The following RAI2 variants were observed in gnomAD, a reference collection of about 807,000 sequenced individuals.
RAI2 encodes the protein retinoic acid induced 2.
Under a neutral mutation model 15.3 loss-of-function variants are expected in RAI2, and 5 were observed. The observed-to-expected ratio is 0.33, with a 90% CI of 0.17 to 0.69. The LOEUF (loss-of-function observed/expected upper bound fraction) is 0.69, where lower values mean the gene tolerates loss of function less well. RAI2 is among the 30% of genes least tolerant of loss of function. The pLI is 0.69. For synonymous variants in RAI2, 191 were observed against 184.0 expected (o/e 1.04, Z -0.31); for missense variants, 424 against 424.7 (o/e 1.00, Z 0.01).
chrX:17,820,311 G>A (rs1051493731), intron 1 of RAI2, among the ~76,000 whole-genome samples: 2 of 112,371 alleles, frequency 1.8e-5, no homozygotes, highest in Non-Finnish European at 3.8e-5. Context: ...TGGGAACGGA[G>A]AGGGAGTATT....
chrX:17,823,227 T>A (rs747767150), intron 1 of RAI2, among the ~76,000 whole-genome samples: 12 of 112,133 alleles, frequency 1.1e-4, no homozygotes, highest in South Asian at 7.5e-4. Flanking sequence ...TGAGTTCACA[T>A]GTGCAAGATG....
In RAI2 at chrX:17,800,810, G is replaced by A. The variant is rs933405681; in HGVS notation, c.1201C>T (p.His401Tyr). ...SHEAPAMMDS[H>Y]ISSSDAATEM... The stretch of plus-strand genomic sequence containing the variant: ...GTAGCAGCATCACTGCTGCTGATGT[G>A]ACTATCCATCATGGCTGGGGCCTCA... The change falls in exon 2 of 2, where the codon CAC becomes TAC. Residue 401 changes from histidine (H) to tyrosine (Y), a missense_variant. Physicochemically the swap from His to Tyr is moderately conservative, Grantham distance 83. Coordinates refer to ENST00000451717, the MANE Select transcript of RAI2 (RefSeq NM_021785.6). 8.3e-7 allele frequency: 1 copy of A among 1,211,872 alleles called. No homozygotes were observed. Among genetic ancestry groups the A allele is most frequent in the Non-Finnish European group, 1.1e-6 (1 of 895,470 alleles).
chrX:17,853,381 T>C (rs1352862321), intron 1 of RAI2, among the ~76,000 whole-genome samples: 1 of 112,224 alleles, frequency 8.9e-6, no homozygotes, highest in Non-Finnish European at 1.9e-5. Context: ...TTATGTCAAA[T>C]GGAATTTTCC....
chrX:17,844,768 A>G (rs2067437778), intron 1 of RAI2, among the ~76,000 whole-genome samples: 1 of 112,543 alleles, frequency 8.9e-6, no homozygotes, highest in Admixed American at 9.4e-5. Flanking sequence ...GATAATGAAG[A>G]GGGCATGAAG....
intron 1 of RAI2, among the ~76,000 whole-genome samples, chrX:17,853,676 TA>T (rs35206820): frequency 4.0e-4 from 44 of 110,781 alleles, no homozygotes; most frequent in African/African-American, 1.4e-3. Context: ...ATTTTTTTTT[TA>T]AAAAAAGGGA....
chrX:17,844,985 A>G (rs938975613), intron 1 of RAI2, among the ~76,000 whole-genome samples: 1 of 112,634 alleles, frequency 8.9e-6, no homozygotes, highest in African/African-American at 3.2e-5. Flanking sequence ...GGCTTTAAAA[A>G]CCAAACATTA....
At position 17,800,865 on chromosome X, in the gene RAI2, C is replaced by T. The variant is rs1342278247; in HGVS notation, c.1146G>A (p.Met382Ile). 1 of 1,211,556 alleles carries T rather than the reference C, an allele frequency of 8.3e-7. No individual in the cohort carries two copies. The highest frequency in any genetic ancestry group is 3.0e-5 in the East Asian group (1 of 33,823). Residue 382 changes from methionine to isoleucine, a missense_variant, in exon 2 of 2, where the codon ATG becomes ATA. Met to Ile is a conservative substitution (Grantham distance 10). Coordinates refer to ENST00000451717, the MANE Select transcript of RAI2 (RefSeq NM_021785.6). ...ACGTGGCAGGGGCAAAAGAAATTTC[C>T]ATGCCACTGGGAAGTTTCTCCATCA... is the stretch of plus-strand genomic sequence containing the variant. ...HTVMEKLPSG[M>I]EISFAPATSH...
At position 17,861,189 on chromosome X, in the gene RAI2, G is replaced by A. The variant is rs2067686779; in HGVS notation, c.-116C>T. 9.0e-6 allele frequency: 1 copy of A among 110,969 alleles called. No homozygotes were observed. The highest frequency in any genetic ancestry group is 9.5e-5 in the Admixed American group (1 of 10,478). The allele number at this position is 110,969 out of a possible 1,213,427, so 9.1% of individuals were successfully genotyped here. A position where few individuals can be genotyped will look rare whatever the true frequency, so the allele number is the denominator to read the frequency against. On this transcript the variant is annotated 5_prime_UTR_variant, in exon 1 of 2. Transcript: ENST00000451717. Reference sequence around the variant, plus strand: ...TGGCCTCGCCGCCGGCCGCCTGAAGGGGGTGCGCCGCGGTGGGAGCCGCCG... The same window carrying A: ...TGGCCTCGCCGCCGGCCGCCTGAAGAGGGTGCGCCGCGGTGGGAGCCGCCG...
intron 1 of RAI2, among the ~76,000 whole-genome samples, chrX:17,850,260 G>A (rs189384794): frequency 1.8e-5 from 2 of 112,275 alleles, no homozygotes; most frequent in Admixed American, 1.9e-4. Flanking sequence ...AACGGCAGCT[G>A]GGGGAGCAAT....
intron 1 of RAI2, among the ~76,000 whole-genome samples, chrX:17,849,700 G>T (rs956362149): frequency 8.9e-6 from 1 of 112,324 alleles, no homozygotes; most frequent in Non-Finnish European, 1.9e-5. Flanking sequence ...TGTTTGAGTT[G>T]TACGTTCCAA....
In RAI2 at chrX:17,831,419, T is replaced by G. The variant is rs191302740; in HGVS notation, c.-24-29385A>C. 1.3e-4 allele frequency among the ~76,000 whole-genome samples: 14 copies of G among 111,689 alleles called. No homozygotes were observed. The East Asian group carries it at 3.9e-3, about 31-fold the overall frequency. Reference sequence around the variant, plus strand: ...ACTGGGCCTCTTAGGCAAGAGTACATGTCCATTAGTTTTAGATACTTACAA... The same window carrying G: ...ACTGGGCCTCTTAGGCAAGAGTACAGGTCCATTAGTTTTAGATACTTACAA... On this transcript the variant is annotated intron_variant, in intron 1 of 1. Transcript: ENST00000451717.
chrX:17,845,997 A>G (rs2147272046), intron 1 of RAI2, among the ~76,000 whole-genome samples: 1 of 112,140 alleles, frequency 8.9e-6, no homozygotes, highest in African/African-American at 3.2e-5. Flanking sequence ...CAAGAATGGC[A>G]TAGGGCGGTC....
rs748047813 is a variant in RAI2 at position 17,801,259 on chromosome X, G to A, written c.752C>T (p.Pro251Leu). The change falls in exon 2 of 2, where the codon CCG (proline) becomes CTG (leucine). Residue 251 changes from proline to leucine, a missense_variant. By Grantham distance (98) the Pro-to-Leu change is moderately conservative. Transcript: ENST00000451717. Reference protein sequence around the residue: ...PVPVPIPIPIPMPQSSESKFS... With the variant: ...PVPVPIPIPILMPQSSESKFS... ...CTTGGATTCAGAACTCTGAGGCATC[G>A]GGATGGGGATGGGAATAGGGACTGG... is the stretch of plus-strand genomic sequence containing the variant. The A allele has an allele frequency of 1.9e-5, 23 of 1,197,456 alleles. No individual in the cohort carries two copies. In the East Asian group the frequency reaches 2.7e-4, roughly 14 times the overall value.
chrX:17,848,807 T>C (rs2067494042), intron 1 of RAI2, among the ~76,000 whole-genome samples: 1 of 112,509 alleles, frequency 8.9e-6, no homozygotes, highest in South Asian at 3.7e-4. Flanking sequence ...GAACAGCAAA[T>C]TGGACAGCAA....
rs5901632 is a variant in RAI2, at chrX:17,815,323, GCACACACACACACACACA to G, written c.-24-13307_-24-13290del. 8.9e-5 allele frequency among the ~76,000 whole-genome samples: 9 copies of G among 100,949 alleles called. No individual in the cohort carries two copies. The East Asian group carries it at 9.5e-4, about 11-fold the overall frequency. The allele number at this position is 100,949 out of a possible 115,157, so 87.7% of individuals were successfully genotyped here. ...TTTGCACACATACATGTGCACACGT[GCACACACACACACACACA>G]CACACACACACACACACACACAGAG... is the stretch of plus-strand genomic sequence containing the variant. On this transcript the variant is annotated intron_variant, in intron 1 of 1. Coordinates refer to ENST00000451717, the MANE Select transcript of RAI2 (RefSeq NM_021785.6).
intron 1 of RAI2, among the ~76,000 whole-genome samples, chrX:17,809,528 T>C (rs1356401898): frequency 8.9e-6 from 1 of 112,240 alleles, no homozygotes; most frequent in Non-Finnish European, 1.9e-5. Context: ...TTTTAATTCC[T>C]GTTTTTTATT....
intron 1 of RAI2, among the ~76,000 whole-genome samples, chrX:17,849,966 C>A (rs1412421779): frequency 8.9e-6 from 1 of 111,863 alleles, no homozygotes; most frequent in Non-Finnish European, 1.9e-5. Flanking sequence ...AGAAAGATGT[C>A]CAAGATACCC....
intron 1 of RAI2, among the ~76,000 whole-genome samples, chrX:17,803,943 T>C (rs1283286995): frequency 1.8e-5 from 2 of 110,800 alleles, no homozygotes; most frequent in African/African-American, 6.6e-5. Context: ...TGCCTTTTTT[T>C]TTTTTTCTTT....
Position 17,801,957 on chromosome X carries a change from A to T in RAI2, c.54T>A (p.Pro18=), listed in dbSNP as rs1344526463. The T allele has an allele frequency of 3.3e-5, 40 of 1,209,076 alleles. No individual in the cohort carries two copies. The highest frequency in any genetic ancestry group is 4.2e-5 in the Non-Finnish European group (38 of 894,654). ...TCTCCAGTCTGTTATTAGCCAAGGC[A>T]GGAGGGGAGTCAGTCATGTCCATGG... ...NLSMDMTDSP[P]ALANNRLENG... Residue 18 remains proline, a synonymous_variant, in exon 2 of 2, where the codon CCT becomes CCA. Coordinates refer to ENST00000451717, the MANE Select transcript of RAI2 (RefSeq NM_021785.6).
Sources: gnomAD v4.1 joint callset for allele counts (sites outside exome capture counted in the v4.1 genomes callset) on GRCh38, gnomAD v4.1.1 for gene constraint, MANE v1.5 for transcripts, NCBI Gene and HGNC (gene_info 2026-07-23, HGNC 2026-07-21) for gene names.